Variants in SSTR3 observed in about 807,000 individuals in gnomAD.
SSTR3 encodes somatostatin receptor 3, also known as somatostatin receptor type 3.
For synonymous variants in SSTR3, 281 were observed against 269.2 expected (o/e 1.04, Z -0.43); for missense variants, 504 against 604.7 (o/e 0.83, Z 1.75).
the SSTR3 span, among the ~76,000 whole-genome samples, chr22:37,220,101 A>G: frequency 1.3e-5 from 2 of 152,178 alleles, no homozygotes; most frequent in South Asian, 4.1e-4. Flanking sequence ...GAATAAATAC[A>G]CCTATTTAAT....
intron 1 of SSTR3, among the ~76,000 whole-genome samples, chr22:37,209,962 C>T (rs1401241418): frequency 1.3e-5 from 2 of 152,230 alleles, no homozygotes; most frequent in Non-Finnish European, 2.9e-5. Context: ...GGATTTTAGA[C>T]TCAGTATCCT....
intron 1 of SSTR3, among the ~76,000 whole-genome samples, chr22:37,209,525 G>A (rs1241971261): frequency 6.6e-6 from 1 of 152,210 alleles, no homozygotes; most frequent in South Asian, 2.1e-4. Flanking sequence ...TAAGGGAGGG[G>A]CACCTGGACA....
rs373712578 is a variant in SSTR3, at chr22:37,206,816, G to A, written c.988C>T (p.Arg330Trp). The A allele has an allele frequency of 3.2e-5, 51 of 1,612,372 alleles. No homozygotes were observed. Among genetic ancestry groups the A allele is most frequent in the Middle Eastern group, 1.6e-4 (1 of 6,082 alleles). Residue 330 changes from arginine to tryptophan, a missense_variant, in exon 2 of 2, where the codon CGG becomes TGG. Physicochemically the swap from Arg to Trp is moderately radical, Grantham distance 101. Transcript: ENST00000610913. ...FKQGFRRVLLRPSRRVRSQEP... is the reference protein window; with the variant it reads ...FKQGFRRVLLWPSRRVRSQEP... ...TGGCTGCGCACACGGCGGGAGGGCC[G>A]CAGCAGGACCCTGCGGAAGCCCTGC...
intron 1 of SSTR3, among the ~76,000 whole-genome samples, chr22:37,210,161 G>A (rs1926104224): frequency 6.6e-6 from 1 of 152,206 alleles, no homozygotes. Context: ...ACAAGCCAGG[G>A]CTAGATGAGG....
In SSTR3 at chr22:37,207,734, G is replaced by A. The variant is rs1310850669; in HGVS notation, c.70C>T (p.Pro24Ser). ...GACACGTTGCCCAGGGTGGCATCTG[G>A]GGGCCAGGCCGAGGAGGCATTCTCA... ...EPENASSAWP[P>S]DATLGNVSAG... The change falls in exon 2 of 2, where the codon CCA becomes TCA. Residue 24 changes from proline (P) to serine (S), a missense_variant. Coordinates refer to ENST00000610913, the MANE Select transcript of SSTR3 (RefSeq NM_001051.5). 2 of 1,528,826 alleles carry A rather than the reference G, an allele frequency of 1.3e-6. No homozygotes were observed. The highest frequency in any genetic ancestry group is 1.4e-5 in the African/African-American group (1 of 72,252). 94.7% of individuals were successfully genotyped at this position (1,528,826 alleles called of 1,614,324 possible).
chr22:37,209,691 AGGTCACATGTTCT>A (rs1926072987), intron 1 of SSTR3, among the ~76,000 whole-genome samples: 1 of 152,162 alleles, frequency 6.6e-6, no homozygotes, highest in Non-Finnish European at 1.5e-5. Context: ...AGCAAACGTG[AGGTCACATGTTCT>A]GGTCACAGCT....
chr22:37,216,421 C>G (rs1204441494), upstream of SSTR3, among the ~76,000 whole-genome samples: 1 of 152,184 alleles, frequency 6.6e-6, no homozygotes, highest in Non-Finnish European at 1.5e-5. Context: ...ATCCAGTGTT[C>G]CCATGATTAA....
chr22:37,214,352 G>A (rs756774308), upstream of SSTR3, among the ~76,000 whole-genome samples: 1 of 152,204 alleles, frequency 6.6e-6, no homozygotes, highest in African/African-American at 2.4e-5. Context: ...CCTATGCCAG[G>A]AGGAGGAAAG....
Position 37,212,088 on chromosome 22 carries a change from TG to T in SSTR3, c.-301del, listed in dbSNP as rs1237752043. 5 of 984,066 alleles carry T rather than the reference TG, an allele frequency of 5.1e-6. No individual in the cohort carries two copies. Among genetic ancestry groups the T allele is most frequent in the South Asian group, 9.4e-5 (2 of 21,232 alleles). The allele number at this position is 984,066 out of a possible 1,614,324, so 61.0% of individuals were successfully genotyped here. ...CACCCCCCATCTCCAGGACACATCCTGGGGGGGCAGGGGCAAGGATAGGGGG... is the reference window on the plus strand; with the variant it reads ...CACCCCCCATCTCCAGGACACATCCTGGGGGGCAGGGGCAAGGATAGGGGG... On this transcript the variant is annotated 5_prime_UTR_variant, in exon 1 of 2. The change creates a premature stop within an existing upstream ORF in the 5' untranslated region. Coordinates refer to ENST00000610913, the MANE Select transcript of SSTR3 (RefSeq NM_001051.5).
chr22:37,214,827 C>T (rs149141806), upstream of SSTR3, among the ~76,000 whole-genome samples: 105 of 152,314 alleles, frequency 6.9e-4, no homozygotes, highest in African/African-American at 2.5e-3. Context: ...CCCCATGTAA[C>T]GAGCCTCAGC....
At chr22:37,218,968 C>T in the SSTR3 span, among the ~76,000 whole-genome samples, 17 of 152,160 alleles carry the variant, frequency 1.1e-4, no homozygotes, top group Non-Finnish European at 2.2e-4. Context: ...CTCCAAAGCC[C>T]CTACTCCACC....
chr22:37,219,253 G>C, the SSTR3 span, among the ~76,000 whole-genome samples: 2 of 152,122 alleles, frequency 1.3e-5, no homozygotes, highest in East Asian at 3.8e-4. Context: ...GTGATCTGTG[G>C]ATCAAGCCAC....
At chr22:37,213,060 A>G (rs780861763), upstream of SSTR3, among the ~76,000 whole-genome samples, 1 of 152,212 alleles carries the variant, frequency 6.6e-6, no homozygotes, top group African/African-American at 2.4e-5. Context: ...CACTCATGAG[A>G]AGAATAGAGT....
chr22:37,215,261 T>A (rs1196383418), upstream of SSTR3, among the ~76,000 whole-genome samples: 3 of 152,170 alleles, frequency 2.0e-5, no homozygotes, highest in South Asian at 2.1e-4. Context: ...ATTTTTTTTT[T>A]AAAAGAAACA....
At chr22:37,215,380 C>A (rs575744620), upstream of SSTR3, among the ~76,000 whole-genome samples, 28 of 152,314 alleles carry the variant, frequency 1.8e-4, no homozygotes, top group African/African-American at 6.0e-4. Context: ...CCTCGCCCAG[C>A]CTGATAATTT....
At chr22:37,210,972 G>T in intron 1 of SSTR3, 1 of 985,510 alleles carries the variant, frequency 1.0e-6, no homozygotes, top group Non-Finnish European at 1.2e-6. Context: ...CTCACATCAT[G>T]AGATCCTCAA....
chr22:37,211,592 G>C (rs1459216630), intron 1 of SSTR3, among the ~76,000 whole-genome samples: 1 of 152,140 alleles, frequency 6.6e-6, no homozygotes, highest in Non-Finnish European at 1.5e-5. Flanking sequence ...CTCCAGCCCT[G>C]ACAGCCTGCG....
At chr22:37,213,996 G>A (rs911790047), upstream of SSTR3, among the ~76,000 whole-genome samples, 15 of 152,288 alleles carry the variant, frequency 9.8e-5, no homozygotes, top group Admixed American at 3.3e-4. Context: ...CTTAAACTTC[G>A]GTTTTCTCCT....
upstream of SSTR3, among the ~76,000 whole-genome samples, chr22:37,215,359 G>C (rs191093696): frequency 6.6e-6 from 1 of 152,276 alleles, no homozygotes; most frequent in Non-Finnish European, 1.5e-5. Flanking sequence ...TGGGATTATA[G>C]GCATGAGCCA....
Sources: gnomAD v4.1 joint callset for allele counts (sites outside exome capture counted in the v4.1 genomes callset) on GRCh38, gnomAD v4.1.1 for gene constraint, MANE v1.5 for transcripts, NCBI Gene and HGNC (gene_info 2026-07-23, HGNC 2026-07-21) for gene names.